RAB3IP: variants seen among roughly 807,000 people sequenced by gnomAD.
RAB3IP encodes RAB3A interacting protein.
A neutral mutation model predicts 59.1 loss-of-function variants in RAB3IP; 36 were observed. The ratio of observed to expected loss-of-function variants is 0.61; its 90% confidence interval spans 0.47 to 0.80. The LOEUF is 0.80. Ranked by LOEUF, RAB3IP falls within the 30% of genes least tolerant of loss-of-function variation. The pLI is 0.00. For missense variants in RAB3IP, 511 were observed against 536.0 expected (o/e 0.95, Z 0.46); for synonymous variants, 207 against 191.2 (o/e 1.08, Z -0.68).
rs752692032 is a variant in RAB3IP at position 69,755,629 on chromosome 12, G to A, written c.221G>A (p.Arg74His). ...CAACCCGTGTATTCATCCCCCAGACGTTTAAATTGTGCGGAAATATCTAGT... is the reference window on the plus strand; with the variant it reads ...CAACCCGTGTATTCATCCCCCAGACATTTAAATTGTGCGGAAATATCTAGT... ...PTQPVYSSPR[R>H]LNCAEISSIS... is the part of the protein sequence containing the mutation. The change falls in exon 2 of 11, where the codon CGT (arginine) becomes CAT (histidine). Residue 74 changes from arginine to histidine, a missense_variant. Transcript: ENST00000247833. 21 of 1,613,284 alleles carry A rather than the reference G, an allele frequency of 1.3e-5. No individual in the cohort carries two copies. The highest frequency in any genetic ancestry group is 2.2e-5 in the East Asian group (1 of 44,864).
intron 1 of RAB3IP, among the ~76,000 whole-genome samples, chr12:69,744,539 A>G (rs915004038): frequency 2.0e-5 from 3 of 152,066 alleles, no homozygotes; most frequent in Non-Finnish European, 4.4e-5. Flanking sequence ...CCTGGTCAAC[A>G]TGGCAAAACC....
Position 69,820,379 on chromosome 12 carries a change from G to T in RAB3IP, c.*4933G>T, listed in dbSNP as rs549633033. 6.6e-6 allele frequency: 1 copy of T among 152,056 alleles called. No individual in the cohort carries two copies. Among genetic ancestry groups the T allele is most frequent in the South Asian group, 2.1e-4 (1 of 4,788 alleles). The allele number at this position is 152,056 out of a possible 1,614,324, so 9.4% of individuals were successfully genotyped here. A position where few individuals can be genotyped will look rare whatever the true frequency, so the allele number is the denominator to read the frequency against. ...CCTCCATGTCCACTGCTACCACTCT[G>T]CCCAAGCTATTATCATCTTTCACCT... On this transcript the variant is annotated 3_prime_UTR_variant, in exon 11 of 11. Transcript: ENST00000247833.
Position 69,779,534 on chromosome 12 carries a change from C to T in RAB3IP, c.511-5186C>T, listed in dbSNP as rs114078079. ...ATAGATCTTGTAAGCTTTCTTCATTCCTCTTTAGTCTTTTTTTTTTTCTTC... is the reference window on the plus strand; with the variant it reads ...ATAGATCTTGTAAGCTTTCTTCATTTCTCTTTAGTCTTTTTTTTTTTCTTC... On this transcript the variant is annotated intron_variant, in intron 3 of 10. Transcript: ENST00000247833. Among the ~76,000 whole-genome samples the T allele has an allele frequency of 4.1e-3, 617 of 151,070 alleles. 4 individuals carry two copies. Among genetic ancestry groups the T allele is most frequent in the African/African-American group, 0.014 (587 of 41,440 alleles).
intron 1 of RAB3IP, among the ~76,000 whole-genome samples, chr12:69,745,109 A>G (rs1471780204): frequency 6.6e-6 from 1 of 152,230 alleles, no homozygotes; most frequent in South Asian, 2.1e-4. Flanking sequence ...TAGCCCAGTA[A>G]CTATCAACAG....
intron 4 of RAB3IP, among the ~76,000 whole-genome samples, chr12:69,786,395 A>G (rs1461442366): frequency 6.6e-6 from 1 of 152,180 alleles, no homozygotes; most frequent in African/African-American, 2.4e-5. Flanking sequence ...ACATTTTAAA[A>G]TTAATCTGTT....
At chr12:69,741,854 G>A (rs1442963322) in intron 1 of RAB3IP, among the ~76,000 whole-genome samples, 3 of 152,196 alleles carry the variant, frequency 2.0e-5, no homozygotes, top group South Asian at 2.1e-4. Flanking sequence ...ACTTCTTTAT[G>A]TGTAGCTTAT....
Position 69,803,910 on chromosome 12 carries a change from T to C in RAB3IP, c.1130+2189T>C, listed in dbSNP as rs1467075828. ...ATCCAGTCTGTCATTGTTGGACATT[T>C]GGGTTGGTTCCAAGTCTTTGCTATT... On this transcript the variant is annotated intron_variant, in intron 8 of 10. Transcript: ENST00000247833. Among the ~76,000 whole-genome samples the C allele has an allele frequency of 2.0e-5, 3 of 152,232 alleles. No individual in the cohort carries two copies. In the East Asian group the frequency reaches 5.8e-4, roughly 29 times the overall value.
In RAB3IP at chr12:69,797,948, C is replaced by A. The variant is rs373875358; in HGVS notation, c.889-2261C>A. Among the ~76,000 whole-genome samples the A allele has an allele frequency of 7.8e-3, 1,181 of 152,136 alleles. 4 individuals carry two copies. The highest frequency in any genetic ancestry group is 0.012 in the Non-Finnish European group (821 of 67,990). ...TTGTTGGACATTTGGGTTGGTTCCACGTCTTTGCTATTGTGAATAATGCCG... is the reference window on the plus strand; with the variant it reads ...TTGTTGGACATTTGGGTTGGTTCCAAGTCTTTGCTATTGTGAATAATGCCG... On this transcript the variant is annotated intron_variant, in intron 6 of 10. Coordinates refer to ENST00000247833, the MANE Select transcript of RAB3IP (RefSeq NM_022456.5).
rs754050465 is a variant in RAB3IP, at chr12:69,812,998, G to A, written c.1265G>A (p.Arg422Gln). The A allele has an allele frequency of 1.5e-5, 25 of 1,613,350 alleles. No homozygotes were observed. Among genetic ancestry groups the A allele is most frequent in the East Asian group, 2.2e-5 (1 of 44,868 alleles). The change falls in exon 10 of 11, where the codon CGA becomes CAA. Residue 422 changes from arginine to glutamine, a missense_variant. Coordinates refer to ENST00000247833, the MANE Select transcript of RAB3IP (RefSeq NM_022456.5). The part of the protein sequence containing the change: ...TSVCNFFTYI[R>Q]YIQQGLVKQQ... ...GTATGTAACTTTTTTACATACATTC[G>A]ATACATTCAGCAGGGACTCGTGAAA...
chr12:69,822,176 T>G lies in RAB3IP; in HGVS notation c.*6730T>G, dbSNP rs955774911. 2 of 152,134 alleles carry G rather than the reference T, an allele frequency of 1.3e-5. No individual in the cohort carries two copies. Among genetic ancestry groups the G allele is most frequent in the African/African-American group, 2.4e-5 (1 of 41,410 alleles). The allele number at this position is 152,134 out of a possible 1,614,324, so 9.4% of individuals were successfully genotyped here. A position where few individuals can be genotyped will look rare whatever the true frequency, so the allele number is the denominator to read the frequency against. On this transcript the variant is annotated 3_prime_UTR_variant, in exon 11 of 11. Coordinates refer to ENST00000247833, the MANE Select transcript of RAB3IP (RefSeq NM_022456.5). Reference sequence around the variant, plus strand: ...ATGTTTTAGGCATCTTAATTCATATTTTATCTAAAGGCATATAAATCCTTA... The same window carrying G: ...ATGTTTTAGGCATCTTAATTCATATGTTATCTAAAGGCATATAAATCCTTA...
chr12:69,762,600 A>G (rs1260904904), intron 3 of RAB3IP, among the ~76,000 whole-genome samples: 1 of 152,008 alleles, frequency 6.6e-6, no homozygotes, highest in Non-Finnish European at 1.5e-5. Context: ...TACTAAAAAT[A>G]CAAAAAATTA....
intron 4 of RAB3IP, among the ~76,000 whole-genome samples, chr12:69,788,386 C>T (rs912692582): frequency 4.6e-5 from 7 of 152,016 alleles, no homozygotes; most frequent in African/African-American, 1.7e-4. Flanking sequence ...ATACTGTTGG[C>T]ACTTGTGATA....
intron 1 of RAB3IP, among the ~76,000 whole-genome samples, chr12:69,744,691 CA>C (rs11302589): frequency 0.66 from 86,145 of 129,700 alleles, 27,954 homozygotes; most frequent in East Asian, 0.76. Context: ...GACTGCATCT[CA>C]AAAAAAAAAA....
intron 8 of RAB3IP, among the ~76,000 whole-genome samples, chr12:69,807,757 G>T (rs1879686938): frequency 1.4e-5 from 2 of 147,682 alleles, no homozygotes; most frequent in East Asian, 4.1e-4. Flanking sequence ...CCCAGATGGG[G>T]CGGCTGGGCA....
At chr12:69,806,570 G>GTTTTTT (rs35262716) in intron 8 of RAB3IP, among the ~76,000 whole-genome samples, 30 of 68,468 alleles carry the variant, frequency 4.4e-4, no homozygotes, top group African/African-American at 1.5e-3. Flanking sequence ...TGCTTCTCTA[G>GTTTTTT]TTTTTTTTTT....
At chr12:69,806,804 G>C (rs1160369187) in intron 8 of RAB3IP, among the ~76,000 whole-genome samples, 1 of 152,014 alleles carries the variant, frequency 6.6e-6, no homozygotes, top group Non-Finnish European at 1.5e-5. Flanking sequence ...CAGCCTTTAA[G>C]CATCTGTTTA....
At chr12:69,812,593 T>C in intron 8 of RAB3IP, 185 bp from the exon 9 acceptor site, 1 of 571,122 alleles carries the variant, frequency 1.8e-6, no homozygotes, top group Non-Finnish European at 3.1e-6. Context: ...ACTAATAGAA[T>C]GTAAGTCTCA....
intron 6 of RAB3IP, among the ~76,000 whole-genome samples, chr12:69,797,831 T>C (rs1381076298): frequency 1.3e-5 from 2 of 152,186 alleles, no homozygotes; most frequent in East Asian, 3.9e-4. Flanking sequence ...GTTTCATCCA[T>C]GTCCCTACAA....
intron 8 of RAB3IP, among the ~76,000 whole-genome samples, chr12:69,807,536 G>T: frequency 6.8e-6 from 1 of 147,356 alleles, no homozygotes; most frequent in South Asian, 2.2e-4. Flanking sequence ...TCCCAGACAG[G>T]GTGGCTGGGC....
Sources: allele counts gnomAD v4.1 joint callset (sites outside exome capture counted in the v4.1 genomes callset), GRCh38; gene constraint gnomAD v4.1.1; transcripts MANE v1.5; gene names NCBI Gene and HGNC (gene_info 2026-07-23, HGNC 2026-07-21).